The following SLC75A1 variants were observed in gnomAD, a reference collection of about 807,000 sequenced individuals.
The protein encoded by SLC75A1 is solute carrier family 75 member 1.
the SLC75A1 span, chr4:2,933,283 G>C: frequency 1.2e-5 from 16 of 1,382,636 alleles, no homozygotes; most frequent in Non-Finnish European, 1.6e-5. Flanking sequence ...CAAGGCCAAT[G>C]TCCAGCCCCG....
chr4:2,932,490 GAGAAGGCC>G, the SLC75A1 span: 1 of 1,613,742 alleles, frequency 6.2e-7, no homozygotes, highest in Admixed American at 1.7e-5. Context: ...GAAGCCCAGT[GAGAAGGCC>G]ACCCCAATGA....
chr4:2,930,806 C>G, the SLC75A1 span: 1 of 1,609,956 alleles, frequency 6.2e-7, no homozygotes. Flanking sequence ...CCCACTCTGC[C>G]TGGTGCCCAC....
chr4:2,932,632 G>A, the SLC75A1 span: 4 of 1,613,188 alleles, frequency 2.5e-6, no homozygotes, highest in Non-Finnish European at 3.4e-6. Context: ...GGCGAGCCCA[G>A]GTCAGCAACG....
chr4:2,930,718 G>T, the SLC75A1 span: 4 of 1,147,102 alleles, frequency 3.5e-6, no homozygotes, highest in Non-Finnish European at 4.9e-6. Context: ...CTGCTTAGGG[G>T]CCGGCCCCCA....
the SLC75A1 span, chr4:2,931,270 G>A: frequency 5.4e-5 from 84 of 1,556,204 alleles, no homozygotes; most frequent in Non-Finnish European, 2.5e-5. Flanking sequence ...CCACAACGGC[G>A]GCGGCTGGTG....
the SLC75A1 span, chr4:2,932,614 G>A: frequency 5.1e-5 from 83 of 1,613,154 alleles, no homozygotes; most frequent in Middle Eastern, 1.7e-4. Flanking sequence ...CCTTGACTGC[G>A]GGCCAGAGGC....
the SLC75A1 span, chr4:2,933,793 G>GGCA: frequency 6.3e-7 from 1 of 1,593,248 alleles, no homozygotes; most frequent in East Asian, 2.3e-5. Context: ...GGGCAGCAGG[G>GGCA]GCAGCAGCAG....
At chr4:2,932,655 A>G in the SLC75A1 span, 1 of 1,612,352 alleles carries the variant, frequency 6.2e-7, no homozygotes, top group East Asian at 2.2e-5. Flanking sequence ...GGCCGTGGAG[A>G]GGCTGACGTT....
chr4:2,931,774 C>T, the SLC75A1 span: 1 of 1,545,006 alleles, frequency 6.5e-7, no homozygotes, highest in South Asian at 1.2e-5. Context: ...TTCCCTGAAG[C>T]AGGGGCGTTA....
the SLC75A1 span, chr4:2,932,754 C>T: frequency 6.4e-7 from 1 of 1,560,832 alleles, no homozygotes; most frequent in Non-Finnish European, 8.6e-7. Flanking sequence ...GGTGGCCACA[C>T]CCATCTGCCC....
chr4:2,933,682 C>T, the SLC75A1 span: 4 of 1,612,956 alleles, frequency 2.5e-6, no homozygotes, highest in Non-Finnish European at 3.4e-6. Context: ...TGAGGAATCA[C>T]GATAAGGGCT....
chr4:2,932,470 G>A, the SLC75A1 span: 2 of 1,613,668 alleles, frequency 1.2e-6, no homozygotes, highest in Non-Finnish European at 1.7e-6. Flanking sequence ...CCGAGCATAG[G>A]GCCCAGGGTG....
At chr4:2,933,917 A>T in the SLC75A1 span, 20 of 1,563,512 alleles carry the variant, frequency 1.3e-5, no homozygotes, top group East Asian at 3.6e-4. Flanking sequence ...CCCCCTCCCC[A>T]TCCCATGGTG....
At chr4:2,931,965 G>C in the SLC75A1 span, 1 of 1,602,748 alleles carries the variant, frequency 6.2e-7, no homozygotes, top group Non-Finnish European at 8.5e-7. Flanking sequence ...TGCTGAGAAG[G>C]CGACCACAGC....
the SLC75A1 span, chr4:2,930,992 G>T: frequency 6.2e-7 from 1 of 1,612,548 alleles, no homozygotes; most frequent in Admixed American, 1.7e-5. Flanking sequence ...CCCCGAGGGG[G>T]CTGGCACTTG....
the SLC75A1 span, chr4:2,933,867 C>A: frequency 6.3e-7 from 1 of 1,584,122 alleles, no homozygotes; most frequent in Non-Finnish European, 8.6e-7. Context: ...GGCGCTCCGG[C>A]GGCTGCTGGT....
chr4:2,933,544 C>CA, the SLC75A1 span: 1 of 1,612,916 alleles, frequency 6.2e-7, no homozygotes, highest in Non-Finnish European at 8.5e-7. Context: ...GAGAGCCCGC[C>CA]AAGGGCACAG....
the SLC75A1 span, chr4:2,933,897 G>A: frequency 6.4e-7 from 1 of 1,573,474 alleles, no homozygotes; most frequent in Admixed American, 1.9e-5. Flanking sequence ...GGCGCGGGGT[G>A]CAGCCTCCAC....
At chr4:2,932,098 G>T in the SLC75A1 span, 1 of 1,610,932 alleles carries the variant, frequency 6.2e-7, no homozygotes. Flanking sequence ...GCGCAGCAGG[G>T]CCAGGGGGCT....
Sources: allele counts gnomAD v4.1 joint callset, GRCh38; gene constraint gnomAD v4.1.1; transcripts MANE v1.5; gene names NCBI Gene and HGNC (gene_info 2026-07-23, HGNC 2026-07-21).